GPHN: variants seen among roughly 807,000 people sequenced by gnomAD.
The protein encoded by GPHN is gephyrin.
Under a neutral mutation model 95.5 loss-of-function variants are expected in GPHN, and 17 were observed. The ratio of observed to expected loss-of-function variants is 0.18; its 90% confidence interval spans 0.12 to 0.27. The LOEUF is 0.27. Ranked by LOEUF, GPHN falls within the 10% of genes least tolerant of loss-of-function variation. The probability of loss-of-function intolerance (pLI) is 1.00; values close to 1 mark genes in which losing one functional copy is unlikely to be tolerated. For missense variants in GPHN, 660 were observed against 978.1 expected, an observed-to-expected ratio of 0.67 and a Z score of 4.34; for synonymous variants, 320 against 322.5, an observed-to-expected ratio of 0.99 and a Z score of 0.08.
chr14:67,119,716 C>T (rs1352417031), intron 16 of GPHN, among the ~76,000 whole-genome samples: 1 of 151,966 alleles, frequency 6.6e-6, no homozygotes, highest in African/African-American at 2.4e-5. Context: ...CTTGAACCCA[C>T]GAGGCAGAGG....
chr14:67,299,220 G>T, the GPHN span, among the ~76,000 whole-genome samples: 2 of 152,130 alleles, frequency 1.3e-5, no homozygotes, highest in Non-Finnish European at 2.9e-5. Flanking sequence ...TATCCGGTTA[G>T]ATCTTATTTC....
At chr14:67,073,244 A>T (rs74056482) in intron 11 of GPHN, among the ~76,000 whole-genome samples, 2 of 152,150 alleles carry the variant, frequency 1.3e-5, no homozygotes, top group East Asian at 3.8e-4. Flanking sequence ...TAAATTATTC[A>T]GACTACAGAG....
chr14:66,508,202 T>C lies in GPHN; in HGVS notation c.-326T>C. ...CTTGGGTCTCGCGCTCCGCAGAGCG[T>C]TCCGACACTCTCCGGCCTCGTTCTG... On this transcript the variant is annotated 5_prime_UTR_variant, in exon 1 of 23. Transcript: ENST00000478722. 2.0e-6 allele frequency: 1 copy of C among 510,446 alleles called. No individual in the cohort carries two copies. The highest frequency in any genetic ancestry group is 3.6e-6 in the Non-Finnish European group (1 of 279,934). 31.6% of individuals were successfully genotyped at this position (510,446 alleles called of 1,614,324 possible). A position where few individuals can be genotyped will look rare whatever the true frequency, so the allele number is the denominator to read the frequency against.
chr14:67,008,912 CA>C (rs1455402728), intron 9 of GPHN, among the ~76,000 whole-genome samples: 1 of 152,100 alleles, frequency 6.6e-6, no homozygotes, highest in East Asian at 1.9e-4. Context: ...AGTTCCAGAT[CA>C]GGGGTTATAT....
chr14:67,525,294 T>C, the GPHN span, among the ~76,000 whole-genome samples: 1 of 152,238 alleles, frequency 6.6e-6, no homozygotes, highest in Non-Finnish European at 1.5e-5. Context: ...CATGCTTTTC[T>C]AGACATTGCT....
chr14:67,515,509 G>C, the GPHN span: 3 of 155,926 alleles, frequency 1.9e-5, no homozygotes, highest in African/African-American at 7.2e-5. Flanking sequence ...CCTGCCGCCC[G>C]GCTTAACTCC....
At chr14:66,839,750 A>G (rs2061999490) in intron 4 of GPHN, among the ~76,000 whole-genome samples, 1 of 152,086 alleles carries the variant, frequency 6.6e-6, no homozygotes, top group South Asian at 2.1e-4. Flanking sequence ...ATTTCTGACT[A>G]TTGTTAGGGT....
chr14:66,790,811 G>A (rs1464861005), intron 3 of GPHN, among the ~76,000 whole-genome samples: 1 of 152,194 alleles, frequency 6.6e-6, no homozygotes, highest in African/African-American at 2.4e-5. Context: ...GTAATGAAGG[G>A]TTTCTTTTCC....
At chr14:67,412,385 G>C in the GPHN span, among the ~76,000 whole-genome samples, 1 of 152,172 alleles carries the variant, frequency 6.6e-6, no homozygotes, top group Non-Finnish European at 1.5e-5. Flanking sequence ...AGCGTCCTTC[G>C]CCAGGTGCTT....
chr14:66,993,397 T>G (rs2071564670), intron 9 of GPHN, among the ~76,000 whole-genome samples: 1 of 152,170 alleles, frequency 6.6e-6, no homozygotes, highest in Non-Finnish European at 1.5e-5. Context: ...ATTGCTGTCT[T>G]AAATGTTATA....
the GPHN span, among the ~76,000 whole-genome samples, chr14:67,594,942 G>C: frequency 6.6e-6 from 1 of 152,036 alleles, no homozygotes; most frequent in Admixed American, 6.6e-5. Context: ...GAGGTCAGGA[G>C]ATCGAGACCA....
chr14:66,639,347 A>G (rs1886778), intron 1 of GPHN, among the ~76,000 whole-genome samples: 47,046 of 151,854 alleles, frequency 0.31, 11,119 homozygotes, highest in African/African-American at 0.63. Flanking sequence ...CAAGAAGAAC[A>G]AGAATAATGA....
At chr14:66,885,584 T>TA (rs1258364037) in intron 5 of GPHN, among the ~76,000 whole-genome samples, 1 of 152,132 alleles carries the variant, frequency 6.6e-6, no homozygotes, top group Non-Finnish European at 1.5e-5. Flanking sequence ...AGGCTGCCAT[T>TA]GTTTCAACCC....
chr14:67,047,850 A>G (rs1273315913), intron 10 of GPHN, among the ~76,000 whole-genome samples: 1 of 152,094 alleles, frequency 6.6e-6, no homozygotes, highest in African/African-American at 2.4e-5. Flanking sequence ...GGTGCCAGCT[A>G]CTCGATGGGG....
intron 2 of GPHN, among the ~76,000 whole-genome samples, chr14:66,757,026 A>G (rs1442467867): frequency 6.6e-6 from 1 of 152,150 alleles, no homozygotes; most frequent in Non-Finnish European, 1.5e-5. Flanking sequence ...ATTTTCTATT[A>G]TTTCATTAAA....
At chr14:67,087,078 A>G (rs2076935923) in intron 11 of GPHN, among the ~76,000 whole-genome samples, 1 of 152,026 alleles carries the variant, frequency 6.6e-6, no homozygotes, top group South Asian at 2.1e-4. Context: ...CACCTGTAAA[A>G]TGAACATAAC....
At chr14:67,132,397 G>T (rs2079775117) in intron 17 of GPHN, among the ~76,000 whole-genome samples, 1 of 151,912 alleles carries the variant, frequency 6.6e-6, no homozygotes. Context: ...TCTCCTTATG[G>T]CATGAACCTC....
At chr14:67,434,433 G>C in the GPHN span, among the ~76,000 whole-genome samples, 1 of 152,190 alleles carries the variant, frequency 6.6e-6, no homozygotes, top group Non-Finnish European at 1.5e-5. Flanking sequence ...AGAAAAAACA[G>C]AAACTAACCA....
chr14:67,297,449 AAATTT>A, the GPHN span, among the ~76,000 whole-genome samples: 1 of 152,204 alleles, frequency 6.6e-6, no homozygotes, highest in East Asian at 1.9e-4. Context: ...TGTGTTTCTC[AAATTT>A]AACAGGAAAA....
Sources: allele counts gnomAD v4.1 joint callset (sites outside exome capture counted in the v4.1 genomes callset), GRCh38; gene constraint gnomAD v4.1.1; transcripts MANE v1.5; gene names NCBI Gene and HGNC (gene_info 2026-07-23, HGNC 2026-07-21).